The following COL17A1 variants were observed in gnomAD, a reference collection of about 807,000 sequenced individuals.
The protein encoded by COL17A1 is collagen alpha-1(XVII) chain.
In COL17A1, 181 loss-of-function variants were observed where a neutral mutation model predicts 218.4. The observed-to-expected ratio is 0.83, with a 90% CI of 0.73 to 0.94. COL17A1 has a LOEUF of 0.94. Among genes scored for constraint, COL17A1 ranks in the 40% least tolerant of loss-of-function variants. The pLI is 0.00. For synonymous variants in COL17A1, 721 were observed against 731.0 expected, an observed-to-expected ratio of 0.99 and a Z score of 0.22; for missense variants, 1,924 against 1,945.9, an observed-to-expected ratio of 0.99 and a Z score of 0.21.
chr10:104,057,053 T>A lies in COL17A1; in HGVS notation c.1387A>T (p.Ser463Cys). ...PAWCPCGSCC[S>C]WWKWLLGLLL... ...AGGCCCAGCAGCCACTTCCACCAGCTGCAGCAGGAGCCGCAGGGGCACCAG... is the reference window on the plus strand; with the variant it reads ...AGGCCCAGCAGCCACTTCCACCAGCAGCAGCAGGAGCCGCAGGGGCACCAG... Residue 463 changes from serine (S) to cysteine (C), a missense_variant, in exon 17 of 56, where the codon AGC becomes TGC. Transcript: ENST00000648076. 3.1e-6 allele frequency: 5 copies of A among 1,608,350 alleles called. No individual in the cohort carries two copies. The highest frequency in any genetic ancestry group is 4.2e-6 in the Non-Finnish European group (5 of 1,177,626).
At position 104,059,629 on chromosome 10, in the gene COL17A1, T is replaced by G; in HGVS notation, c.1222+9A>C. On this transcript the variant is annotated intron_variant, in intron 15 of 55. Coordinates refer to ENST00000648076, the MANE Select transcript of COL17A1 (RefSeq NM_000494.4). ...AGTCAAGGTGGACAACAATCATATTTGTTCTTACCATTAGCTTCGGCTTTT... is the reference window on the plus strand; with the variant it reads ...AGTCAAGGTGGACAACAATCATATTGGTTCTTACCATTAGCTTCGGCTTTT... The G allele has an allele frequency of 6.2e-7, 1 of 1,613,310 alleles. No individual in the cohort carries two copies. The highest frequency in any genetic ancestry group is 8.5e-7 in the Non-Finnish European group (1 of 1,179,204).
At chr10:104,084,884 C>G (rs976941775) in intron 1 of COL17A1, among the ~76,000 whole-genome samples, 1 of 152,194 alleles carries the variant, frequency 6.6e-6, no homozygotes, top group African/African-American at 2.4e-5. Context: ...TACAAGTCCA[C>G]TATTAGACTA....
intron 23 of COL17A1, 110 bp from the exon 24 acceptor site, chr10:104,052,327 G>A: frequency 1.4e-6 from 2 of 1,440,674 alleles, no homozygotes; most frequent in South Asian, 2.3e-5. Context: ...AGTGGTCTTG[G>A]ATCCATTTGG....
chr10:104,072,164 C>T, intron 7 of COL17A1, 85 bp from the exon 8 acceptor site: 1 of 1,576,794 alleles, frequency 6.3e-7, no homozygotes, highest in Non-Finnish European at 8.7e-7. Flanking sequence ...CAGCAGATGG[C>T]CCTTTAGGCT....
intron 5 of COL17A1, among the ~76,000 whole-genome samples, chr10:104,075,185 C>T (rs1033608415): frequency 4.6e-5 from 7 of 152,060 alleles, no homozygotes; most frequent in Admixed American, 2.0e-4. Flanking sequence ...TTCTGACTTC[C>T]TCTAACACCT....
Position 104,064,481 on chromosome 10 carries a change from C to T in COL17A1, c.723G>A (p.Gln241=), listed in dbSNP as rs747921278. The T allele has an allele frequency of 6.2e-7, 1 of 1,614,170 alleles. No homozygotes were observed. Among genetic ancestry groups the T allele is most frequent in the South Asian group, 1.1e-5 (1 of 91,074 alleles). ...CATTGGTGTTGAGGAGGGATGAGCT[C>T]TGGGTTGTCATGTTGTTGTGATAGG... ...MGTYHNNMTT[Q]SSSLLNTNAY... is the part of the protein sequence containing the mutation. Residue 241 remains glutamine (Q), a synonymous_variant, in exon 10 of 56, where the codon CAG becomes CAA. Transcript: ENST00000648076.
rs895749934 is a variant in COL17A1, at chr10:104,038,316, C to T, written c.3070+90G>A. ...CCTACATCGTCCCATGTCTCTTAGC[C>T]TCATTTCTGTGATGATACCACAGCT... On this transcript the variant is annotated intron_variant, in intron 45 of 55. Transcript: ENST00000648076. 15 of 1,562,960 alleles carry T rather than the reference C, an allele frequency of 9.6e-6. No individual in the cohort carries two copies. In the African/African-American group the frequency reaches 1.6e-4, roughly 17 times the overall value.
intron 24 of COL17A1, 119 bp from the exon 25 acceptor site, chr10:104,051,635 T>G: frequency 7.7e-7 from 1 of 1,297,088 alleles, no homozygotes; most frequent in East Asian, 2.4e-5. Flanking sequence ...GCTGTGTGAG[T>G]GTATTGCAGG....
intron 1 of COL17A1, among the ~76,000 whole-genome samples, chr10:104,085,064 C>T (rs941374002): frequency 6.6e-6 from 1 of 152,150 alleles, no homozygotes; most frequent in Non-Finnish European, 1.5e-5. Context: ...CAAGTTGACT[C>T]GTAAGAGTAT....
In COL17A1 at chr10:104,076,309, G is replaced by T. The variant is rs185337666; in HGVS notation, c.323C>A (p.Ala108Glu). 5 of 1,613,926 alleles carry T rather than the reference G, an allele frequency of 3.1e-6. No homozygotes were observed. The highest frequency in any genetic ancestry group is 3.4e-6 in the Non-Finnish European group (4 of 1,179,942). ...FERKTHVTRH[A>E]YEGSSSGNSS... ...GTTAGTGGGACTGATACCTTCATAC[G>T]CATGGCGGGTAACGTGAGTTTTCCT... Residue 108 changes from alanine to glutamate, a missense_variant, in exon 5 of 56, where the codon GCG becomes GAG. Ala to Glu is a moderately radical substitution (Grantham distance 107, BLOSUM62 -1). Coordinates refer to ENST00000648076, the MANE Select transcript of COL17A1 (RefSeq NM_000494.4).
chr10:104,037,684 T>A lies in COL17A1; in HGVS notation c.3160A>T (p.Thr1054Ser). The change falls in exon 46 of 56, where the codon ACT becomes TCT. Residue 1054 changes from threonine (T) to serine (S), a missense_variant. Transcript: ENST00000648076. ...CTTGCCAGCTCTGAGTAGTCGAAAG[T>A]CTCGCCTGTGATGGTGGTGACAGGT... ...PGPVTTITGE[T>S]FDYSELASHV... 6.2e-7 allele frequency: 1 copy of A among 1,614,110 alleles called. No individual in the cohort carries two copies. The highest frequency in any genetic ancestry group is 8.5e-7 in the Non-Finnish European group (1 of 1,180,028).
chr10:104,073,320 T>C (rs537384537), intron 6 of COL17A1, 75 bp from the exon 7 acceptor site: 220 of 1,343,992 alleles, frequency 1.6e-4, no homozygotes, highest in South Asian at 1.3e-3. Flanking sequence ...TGGAGGCAGA[T>C]ATATTTGGGG....
chr10:104,083,538 T>C (rs1001753640), intron 1 of COL17A1, among the ~76,000 whole-genome samples: 6 of 152,240 alleles, frequency 3.9e-5, no homozygotes, highest in African/African-American at 1.4e-4. Context: ...CCATGTCACT[T>C]TTCTAGGCAA....
At chr10:104,045,944 C>T in intron 32 of COL17A1, 151 bp from the exon 33 acceptor site, 1 of 727,190 alleles carries the variant, frequency 1.4e-6, no homozygotes, top group Admixed American at 2.0e-5. Context: ...TTAGTCTAGA[C>T]AACCCCGGGG....
intron 48 of COL17A1, among the ~76,000 whole-genome samples, chr10:104,035,811 GGAGT>G (rs766680072): frequency 2.5e-3 from 45 of 18,112 alleles, no homozygotes; most frequent in East Asian, 6.2e-3. Context: ...TGTGTGTATG[GGAGT>G]GAGTGTGTGT....
Position 104,041,546 on chromosome 10 carries a change from G to A in COL17A1, c.2552-8C>T. 1 of 1,612,156 alleles carries A rather than the reference G, an allele frequency of 6.2e-7. No individual in the cohort carries two copies. The highest frequency in any genetic ancestry group is 8.5e-7 in the Non-Finnish European group (1 of 1,178,300). On this transcript the variant is annotated splice_region_variant and splice_polypyrimidine_tract_variant and intron_variant, in intron 36 of 55. Coordinates refer to ENST00000648076, the MANE Select transcript of COL17A1 (RefSeq NM_000494.4). The stretch of plus-strand genomic sequence containing the variant: ...CTTGTAAATTAAGAACTTCTATAGA[G>A]AGAAGAAAATAGAAATGAGCAAAAG...
chr10:104,035,262 C>A lies in COL17A1; in HGVS notation c.3619+1G>T. ...CCCCATCCCACTCCACAGTGCCCTA[C>A]TATGTAAGTAAGACGAGAGGTCCTC... On this transcript the variant is annotated splice_donor_variant, in intron 50 of 55. Coordinates refer to ENST00000648076, the MANE Select transcript of COL17A1 (RefSeq NM_000494.4). LOFTEE classifies it high-confidence loss of function. 6.2e-7 allele frequency: 1 copy of A among 1,612,650 alleles called. No individual in the cohort carries two copies. Among genetic ancestry groups the A allele is most frequent in the African/African-American group, 1.3e-5 (1 of 75,058 alleles).
At chr10:104,045,851 T>C in intron 32 of COL17A1, 58 bp from the exon 33 acceptor site, 3 of 1,430,710 alleles carry the variant, frequency 2.1e-6, no homozygotes, top group Non-Finnish European at 3.0e-6. Flanking sequence ...CCAGATACCC[T>C]TGGGTGGTCA....
Position 104,031,346 on chromosome 10 carries a change from T to C in COL17A1, c.*889A>G, listed in dbSNP as rs768704199. On this transcript the variant is annotated 3_prime_UTR_variant, in exon 56 of 56. Transcript: ENST00000648076. ...ACGATTGAAATGATGTTTCATCTTA[T>C]AGACCACAAACAAATGTTTTTAGAC... The C allele has an allele frequency of 5.9e-5, 9 of 152,658 alleles. No homozygotes were observed. Among genetic ancestry groups the C allele is most frequent in the Non-Finnish European group, 1.5e-5 (1 of 68,040 alleles). 9.5% of individuals were successfully genotyped at this position (152,658 alleles called of 1,614,324 possible). A position where few individuals can be genotyped will look rare whatever the true frequency, so the allele number is the denominator to read the frequency against.
Sources: allele counts gnomAD v4.1 joint callset (sites outside exome capture counted in the v4.1 genomes callset), GRCh38; gene constraint gnomAD v4.1.1; transcripts MANE v1.5; gene names NCBI Gene and HGNC (gene_info 2026-07-23, HGNC 2026-07-21).